Variants in CACHD1 observed in about 807,000 individuals in gnomAD.
CACHD1 encodes the protein VWFA and cache domain-containing protein 1.
A neutral mutation model predicts 138.7 loss-of-function variants in CACHD1; 71 were observed. The ratio of observed to expected loss-of-function variants is 0.51; its 90% CI spans 0.42 to 0.62. CACHD1 has a LOEUF of 0.62. Among genes scored for constraint, CACHD1 ranks in the 20% least tolerant of loss-of-function variants. The probability of loss-of-function intolerance (pLI) is 0.00; values close to 1 mark genes in which losing one functional copy is unlikely to be tolerated. For missense variants in CACHD1, 1,389 were observed against 1,625.3 expected (o/e 0.85, Z 2.50); for synonymous variants, 578 against 591.5 (o/e 0.98, Z 0.33).
At chr1:64,507,288 A>C (rs1190480630) in intron 1 of CACHD1, among the ~76,000 whole-genome samples, 2 of 152,080 alleles carry the variant, frequency 1.3e-5, no homozygotes, top group Non-Finnish European at 2.9e-5. Flanking sequence ...CTTGCCTTAT[A>C]GTTGGTTGTA....
chr1:64,544,750 A>G (rs1398656178), intron 1 of CACHD1, among the ~76,000 whole-genome samples: 1 of 151,558 alleles, frequency 6.6e-6, no homozygotes, highest in Non-Finnish European at 1.5e-5. Context: ...GGGAGCGGGG[A>G]GGCAGTGCTT....
intron 5 of CACHD1, among the ~76,000 whole-genome samples, 154 bp downstream of exon 5, chr1:64,629,635 T>C (rs1021237222): frequency 6.6e-6 from 1 of 152,148 alleles, no homozygotes; most frequent in African/African-American, 2.4e-5. Context: ...TTAGTATATG[T>C]GGATGTGAAA....
chr1:64,687,673 G>A (rs1470355976), intron 26 of CACHD1, among the ~76,000 whole-genome samples: 1 of 152,092 alleles, frequency 6.6e-6, no homozygotes, highest in Non-Finnish European at 1.5e-5. Context: ...AGAGTCCAGT[G>A]TATCCTAGAA....
chr1:64,516,649 T>C (rs2100362964), intron 1 of CACHD1, among the ~76,000 whole-genome samples: 1 of 152,366 alleles, frequency 6.6e-6, no homozygotes, highest in Non-Finnish European at 1.5e-5. Flanking sequence ...TCTCTTGGTT[T>C]AGCTTATTAC....
At chr1:64,652,111 C>A in intron 9 of CACHD1, 50 bp from the exon 10 acceptor site, 1 of 1,503,324 alleles carries the variant, frequency 6.7e-7, no homozygotes, top group East Asian at 2.3e-5. Flanking sequence ...CAGTCTTTGT[C>A]CAATTCCTTC....
chr1:64,626,771 C>A (rs373156687), intron 4 of CACHD1, among the ~76,000 whole-genome samples: 1 of 152,190 alleles, frequency 6.6e-6, no homozygotes, highest in Non-Finnish European at 1.5e-5. Flanking sequence ...AGCACTTGTT[C>A]CCAACACCAT....
At position 64,643,296 on chromosome 1, in the gene CACHD1, G is replaced by C. The variant is rs1648789712; in HGVS notation, c.1156+1327G>C. ...GGTTCAGGAATCTACTTTTTGGCCA[G>C]GGTGATTCTCTTCCAAATGATTTCT... On this transcript the variant is annotated intron_variant, in intron 8 of 26. Coordinates refer to ENST00000651257, the MANE Select transcript of CACHD1 (RefSeq NM_020925.4). Among the ~76,000 whole-genome samples the C allele has an allele frequency of 2.6e-5, 4 of 152,040 alleles. No individual in the cohort carries two copies. In the South Asian group the frequency reaches 6.2e-4, roughly 24 times the overall value.
chr1:64,528,763 G>T (rs1019417478), intron 1 of CACHD1, among the ~76,000 whole-genome samples: 1 of 151,942 alleles, frequency 6.6e-6, no homozygotes, highest in East Asian at 1.9e-4. Flanking sequence ...TTTTTTGTGG[G>T]ATCTCTGAAA....
rs116454337 is a variant in CACHD1, at chr1:64,545,206, A to G, written c.199-5388A>G. On this transcript the variant is annotated intron_variant, in intron 1 of 26. Transcript: ENST00000651257. ...AGTATATTTTAGAGAGACTACCTAGAATGTATGTTTAAAGTAAATTTATTG... is the reference window on the plus strand; with the variant it reads ...AGTATATTTTAGAGAGACTACCTAGGATGTATGTTTAAAGTAAATTTATTG... Among the ~76,000 whole-genome samples, 655 of 152,324 alleles carry G rather than the reference A, an allele frequency of 4.3e-3. 3 individuals are homozygous for G. Among genetic ancestry groups the G allele is most frequent in the African/African-American group, 0.015 (636 of 41,562 alleles).
Position 64,691,828 on chromosome 1 carries a change from A to T in CACHD1, c.*267A>T. On this transcript the variant is annotated 3_prime_UTR_variant, in exon 27 of 27. Transcript: ENST00000651257. The stretch of plus-strand genomic sequence containing the variant: ...CCTGCCATAACACTAATGGAAGGTA[A>T]CAGAAGGCGAACCTCCAAACACAGA... The T allele has an allele frequency of 2.2e-6, 1 of 445,758 alleles. No individual in the cohort carries two copies. The highest frequency in any genetic ancestry group is 3.0e-5 in the South Asian group (1 of 33,140). The allele number at this position is 445,758 out of a possible 1,614,324, so 27.6% of individuals were successfully genotyped here. A position where few individuals can be genotyped will look rare whatever the true frequency, so the allele number is the denominator to read the frequency against.
chr1:64,541,767 G>A (rs181510499), intron 1 of CACHD1, among the ~76,000 whole-genome samples: 47 of 152,332 alleles, frequency 3.1e-4, no homozygotes, highest in African/African-American at 1.1e-3. Context: ...GGGAGGTCAA[G>A]TCTGCAATGA....
chr1:64,654,178 TCCAATGATA>T (rs1372866785), intron 11 of CACHD1, among the ~76,000 whole-genome samples: 8 of 152,194 alleles, frequency 5.3e-5, no homozygotes. Flanking sequence ...CAAAAAAAGT[TCCAATGATA>T]CCAAATTGAA....
chr1:64,670,683 A>G (rs1027527332), intron 16 of CACHD1, among the ~76,000 whole-genome samples: 1 of 152,210 alleles, frequency 6.6e-6, no homozygotes, highest in South Asian at 2.1e-4. Context: ...TGAGGGCTCA[A>G]CTTCACTGTT....
chr1:64,661,625 C>T (rs1047050699), intron 13 of CACHD1, among the ~76,000 whole-genome samples: 1 of 152,072 alleles, frequency 6.6e-6, no homozygotes, highest in Non-Finnish European at 1.5e-5. Context: ...CAATCAGATC[C>T]TAACTTCTTT....
At chr1:64,519,398 G>A (rs1646481660) in intron 1 of CACHD1, among the ~76,000 whole-genome samples, 1 of 152,186 alleles carries the variant, frequency 6.6e-6, no homozygotes, top group Non-Finnish European at 1.5e-5. Flanking sequence ...TTTCTGAAAG[G>A]AGTACCATAG....
At chr1:64,603,023 C>A in intron 4 of CACHD1, 111 bp downstream of exon 4, 3 of 471,026 alleles carry the variant, frequency 6.4e-6, no homozygotes, top group Admixed American at 3.9e-5. Context: ...GTATTATATA[C>A]TTAAGATTGG....
chr1:64,667,727 G>A (rs72916113), intron 16 of CACHD1, among the ~76,000 whole-genome samples: 2,223 of 152,294 alleles, frequency 0.015, 55 homozygotes, highest in African/African-American at 0.051. Flanking sequence ...CCAGAACTGG[G>A]CTGTTAAAGA....
chr1:64,679,663 G>A lies in CACHD1; in HGVS notation c.3313G>A (p.Gly1105Arg). The part of the protein sequence containing the change: ...PVGPVAGGIM[G>R]CIMVLVLAVY... Reference sequence around the variant, plus strand: ...GGGTCCTGTGGCTGGAGGGATCATGGGATGCATCATGGTCTTGGTCCTGGC... The same window carrying A: ...GGGTCCTGTGGCTGGAGGGATCATGAGATGCATCATGGTCTTGGTCCTGGC... The change falls in exon 24 of 27, where the codon GGA (glycine) becomes AGA (arginine). Residue 1105 changes from glycine to arginine, a missense_variant. Around this residue, in one of 5 missense-constraint regions of CACHD1, gnomAD observed 250 missense variants for 292.9 expected, o/e 0.85. Transcript: ENST00000651257. 1 of 1,614,152 alleles carries A rather than the reference G, an allele frequency of 6.2e-7. No homozygotes were observed.
At position 64,691,141 on chromosome 1, in the gene CACHD1, AAG is replaced by A. The variant is rs1463007116; in HGVS notation, c.3587-179_3587-178del. 2.0e-5 allele frequency among the ~76,000 whole-genome samples: 3 copies of A among 152,192 alleles called. No homozygotes were observed. The East Asian group carries it at 5.8e-4, about 29-fold the overall frequency. On this transcript the variant is annotated intron_variant, in intron 26 of 26. Coordinates refer to ENST00000651257, the MANE Select transcript of CACHD1 (RefSeq NM_020925.4). Reference sequence around the variant, plus strand: ...GTGTCATTGTTTTTTAAGGGAAAAAAAGAGTTATCACTAAATCTCTTTAAAAA... The same window carrying A: ...GTGTCATTGTTTTTTAAGGGAAAAAAAGTTATCACTAAATCTCTTTAAAAA...
Sources: gnomAD v4.1 joint callset for allele counts (sites outside exome capture counted in the v4.1 genomes callset) on GRCh38, gnomAD v4.1.1 for gene constraint, gnomAD v4.1.1 regional missense constraint, MANE v1.5 for transcripts, NCBI Gene and HGNC (gene_info 2026-07-23, HGNC 2026-07-21) for gene names.